The following RANBP2 variants were observed in gnomAD, a reference collection of about 807,000 sequenced individuals.
RANBP2 encodes the protein E3 SUMO-protein ligase RanBP2.
Under a neutral mutation model 303.6 loss-of-function variants are expected in RANBP2, and 57 were observed. That is an observed-to-expected ratio of 0.19 (90% CI 0.15 to 0.23). The LOEUF is 0.23. Ranked by LOEUF, RANBP2 falls within the 10% of genes least tolerant of loss-of-function variation. The probability of loss-of-function intolerance (pLI) is 1.00; values close to 1 mark genes in which losing one functional copy is unlikely to be tolerated. For synonymous variants in RANBP2, 1,167 were observed against 1,301.5 expected, an observed-to-expected ratio of 0.90 and a Z score of 2.23; for missense variants, 3,138 against 3,780.8, an observed-to-expected ratio of 0.83 and a Z score of 4.46.
chr2:109,585,130 CTTCTT>C, the RANBP2 span: 24 of 1,565,240 alleles, frequency 1.5e-5, no homozygotes, highest in Non-Finnish European at 2.1e-5. Context: ...ACATACCTCT[CTTCTT>C]TATTTATTTG....
chr2:108,867,121 A>G, the RANBP2 span, among the ~76,000 whole-genome samples: 1 of 152,106 alleles, frequency 6.6e-6, no homozygotes, highest in Non-Finnish European at 1.5e-5. Context: ...ATGTTTTTAT[A>G]TATATGTATA....
At chr2:108,884,044 T>C in the RANBP2 span, 1 of 152,342 alleles carries the variant, frequency 6.6e-6, no homozygotes, top group Non-Finnish European at 1.5e-5. Context: ...GCTGGGACTA[T>C]AGGCATGCGC....
the RANBP2 span, among the ~76,000 whole-genome samples, chr2:109,242,682 ACAGT>A: frequency 6.6e-6 from 1 of 152,134 alleles, no homozygotes. Flanking sequence ...GCTTGGCCAG[ACAGT>A]CAGGACACAT....
the RANBP2 span, among the ~76,000 whole-genome samples, chr2:109,314,939 A>G: frequency 6.6e-6 from 1 of 152,170 alleles, no homozygotes; most frequent in African/African-American, 2.4e-5. Context: ...CCCCGTATGA[A>G]TCTCATTCTT....
At chr2:108,894,590 G>GTGTT in the RANBP2 span, 1 of 152,542 alleles carries the variant, frequency 6.6e-6, no homozygotes, top group African/African-American at 2.4e-5. Flanking sequence ...CTACCCTGGG[G>GTGTT]TGTTTTCTAA....
chr2:108,894,990 T>G, the RANBP2 span: 1 of 151,370 alleles, frequency 6.6e-6, no homozygotes, highest in Non-Finnish European at 1.5e-5. Flanking sequence ...ACAAGTGACA[T>G]TTGCAGTCTA....
the RANBP2 span, among the ~76,000 whole-genome samples, chr2:109,367,825 A>G: frequency 2.6e-5 from 4 of 152,194 alleles, no homozygotes; most frequent in Admixed American, 6.5e-5. Context: ...AGGAGTGGCT[A>G]TTTGTAGCTC....
At chr2:109,404,198 G>A in the RANBP2 span, among the ~76,000 whole-genome samples, 12 of 152,214 alleles carry the variant, frequency 7.9e-5, no homozygotes, top group African/African-American at 2.9e-4. Context: ...AAGAAAAAGT[G>A]TCAGAGACTG....
At chr2:108,815,638 T>A in the RANBP2 span, among the ~76,000 whole-genome samples, 1 of 151,854 alleles carries the variant, frequency 6.6e-6, no homozygotes, top group African/African-American at 2.4e-5. Context: ...GCTAATTTTA[T>A]TTTTAGTAAA....
At chr2:109,612,615 G>C in the RANBP2 span, among the ~76,000 whole-genome samples, 1 of 152,138 alleles carries the variant, frequency 6.6e-6, no homozygotes, top group Non-Finnish European at 1.5e-5. Context: ...TCAGCTAAAT[G>C]AAGTGTTCTC....
the RANBP2 span, among the ~76,000 whole-genome samples, chr2:109,074,573 T>G: frequency 6.4e-3 from 957 of 148,574 alleles, 47 homozygotes; most frequent in Non-Finnish European, 0.01. Context: ...TGGTGGCATG[T>G]GCCTGTAATC....
chr2:109,021,294 C>T, the RANBP2 span, among the ~76,000 whole-genome samples: 3 of 152,062 alleles, frequency 2.0e-5, no homozygotes, highest in Admixed American at 6.6e-5. Flanking sequence ...GAGGCTGAGG[C>T]GGGTGGATCA....
chr2:108,970,489 A>G, the RANBP2 span, among the ~76,000 whole-genome samples: 1 of 152,134 alleles, frequency 6.6e-6, no homozygotes. Context: ...AGGGCAGGAC[A>G]CTGAGTGGAG....
the RANBP2 span, among the ~76,000 whole-genome samples, chr2:109,145,324 G>A: frequency 1.3e-5 from 2 of 152,128 alleles, no homozygotes; most frequent in Non-Finnish European, 2.9e-5. Flanking sequence ...CTTTAGTCCG[G>A]ACTTCATGCC....
the RANBP2 span, among the ~76,000 whole-genome samples, chr2:108,958,510 G>A: frequency 6.6e-6 from 1 of 151,966 alleles, no homozygotes; most frequent in African/African-American, 2.4e-5. Flanking sequence ...CAGGCAGGGG[G>A]CAGAACAGGG....
the RANBP2 span, among the ~76,000 whole-genome samples, chr2:109,646,241 G>C: frequency 1.3e-5 from 2 of 152,152 alleles, no homozygotes; most frequent in African/African-American, 4.8e-5. Context: ...ACTAGGACCA[G>C]GGTCAGGTGT....
the RANBP2 span, chr2:109,348,074 G>C: frequency 7.5e-7 from 1 of 1,334,796 alleles, no homozygotes; most frequent in Non-Finnish European, 1.0e-6. Context: ...GCTCCTCCCG[G>C]AACCCTGGGC....
At chr2:109,233,854 T>C in the RANBP2 span, among the ~76,000 whole-genome samples, 1 of 152,350 alleles carries the variant, frequency 6.6e-6, no homozygotes, top group African/African-American at 2.4e-5. Context: ...ACATTTGCGA[T>C]TGGTCTGCAT....
At chr2:108,825,093 CA>C in the RANBP2 span, among the ~76,000 whole-genome samples, 4 of 152,102 alleles carry the variant, frequency 2.6e-5, no homozygotes, top group African/African-American at 9.7e-5. Flanking sequence ...AGGAATCATG[CA>C]AAATAAATTA....
Sources: gnomAD v4.1 joint callset for allele counts (sites outside exome capture counted in the v4.1 genomes callset) on GRCh38, gnomAD v4.1.1 for gene constraint, MANE v1.5 for transcripts, NCBI Gene and HGNC (gene_info 2026-07-23, HGNC 2026-07-21) for gene names.